NLRP5: variants seen among roughly 807,000 people sequenced by gnomAD.
NLRP5 encodes the protein NLR family pyrin domain containing 5.
Under a neutral mutation model 113.1 loss-of-function variants are expected in NLRP5, and 93 were observed. The ratio of observed to expected loss-of-function variants is 0.82; its 90% CI spans 0.70 to 0.98. NLRP5 has a LOEUF of 0.98. Ranked by LOEUF, NLRP5 falls within the 50% of genes least tolerant of loss-of-function variation. The probability of loss-of-function intolerance (pLI) is 0.00; values close to 1 mark genes in which losing one functional copy is unlikely to be tolerated. For synonymous variants in NLRP5, 751 were observed against 600.7 expected (o/e 1.25, Z -3.66); for missense variants, 1,808 against 1,514.3 (o/e 1.19, Z -3.22).
chr19:56,005,106 AAAT>A (rs1309103288), intron 2 of NLRP5, among the ~76,000 whole-genome samples: 1,404 of 120,922 alleles, frequency 0.012, 46 homozygotes, highest in African/African-American at 0.024. Flanking sequence ...AAAAAAAAAA[AAAT>A]ATATATATAT....
intron 3 of NLRP5, among the ~76,000 whole-genome samples, chr19:56,012,364 G>C (rs1210392284): frequency 6.6e-6 from 1 of 150,948 alleles, no homozygotes; most frequent in African/African-American, 2.4e-5. Context: ...TGGCCAGGCT[G>C]CCTTCGAACT....
the NLRP5 span, among the ~76,000 whole-genome samples, chr19:55,990,079 C>CTTTTCTTTTTTTTTTTTTTT: frequency 1.0e-5 from 1 of 95,958 alleles, no homozygotes; most frequent in Admixed American, 1.3e-4. Flanking sequence ...TTTCTTTTTT[C>CTTTTCTTTTTTTTTTTTTTT]TTTTTTTTTT....
intron 4 of NLRP5, among the ~76,000 whole-genome samples, chr19:56,017,182 C>G (rs1982440079): frequency 1.3e-5 from 2 of 152,254 alleles, no homozygotes; most frequent in South Asian, 4.1e-4. Context: ...TTAGCTGTCT[C>G]TTTTTTTCCT....
intron 12 of NLRP5, among the ~76,000 whole-genome samples, chr19:56,051,740 G>A (rs941045988): frequency 6.6e-6 from 1 of 152,114 alleles, no homozygotes; most frequent in Non-Finnish European, 1.5e-5. Context: ...ATCTCCTAAA[G>A]CTGGACACGT....
rs746106809 is a variant in NLRP5 at position 56,061,558 on chromosome 19, A to T, written c.*30A>T. The T allele has an allele frequency of 3.7e-6, 6 of 1,612,628 alleles. No homozygotes were observed. The highest frequency in any genetic ancestry group is 1.7e-5 in the Admixed American group (1 of 59,876). On this transcript the variant is annotated 3_prime_UTR_variant, in exon 15 of 15. Transcript: ENST00000390649. Reference sequence around the variant, plus strand: ...ACGGAAACCTGCCCCACTCACACCCATCTGATGGAGGAACTTTAAACGCTG... The same window carrying T: ...ACGGAAACCTGCCCCACTCACACCCTTCTGATGGAGGAACTTTAAACGCTG...
chr19:56,032,690 C>T lies in NLRP5; in HGVS notation c.2356C>T (p.Leu786=). Reference sequence around the variant, plus strand: ...TGGCACCCACCCACACCTGCGGCAGCTGGACCTGGGCAGCAGCATCCTGAC... The same window carrying T: ...TGGCACCCACCCACACCTGCGGCAGTTGGACCTGGGCAGCAGCATCCTGAC... Residue 786 remains leucine, a synonymous_variant, in exon 8 of 15, where the codon CTG becomes TTG. Coordinates refer to ENST00000390649, the MANE Select transcript of NLRP5 (RefSeq NM_153447.4). 1 of 1,613,666 alleles carries T rather than the reference C, an allele frequency of 6.2e-7. No homozygotes were observed. Among genetic ancestry groups the T allele is most frequent in the Non-Finnish European group, 8.5e-7 (1 of 1,179,806 alleles).
At chr19:56,017,647 C>A (rs1194851197) in intron 4 of NLRP5, among the ~76,000 whole-genome samples, 1 of 152,128 alleles carries the variant, frequency 6.6e-6, no homozygotes, top group Non-Finnish European at 1.5e-5. Context: ...GGAACATAAA[C>A]TTGAAGCATG....
At chr19:56,034,086 G>C (rs1184309850) in intron 9 of NLRP5, among the ~76,000 whole-genome samples, 4 of 152,142 alleles carry the variant, frequency 2.6e-5, no homozygotes, top group Non-Finnish European at 5.9e-5. Context: ...TAATTGTATA[G>C]AGGTTGAATG....
intron 13 of NLRP5, among the ~76,000 whole-genome samples, chr19:56,055,594 G>A (rs1214918074): frequency 8.1e-6 from 1 of 123,082 alleles, no homozygotes; most frequent in Non-Finnish European, 1.6e-5. Context: ...CCCCCAGGCT[G>A]GAGTGCAGTG....
the NLRP5 span, chr19:55,988,080 G>C: frequency 1.7e-6 from 1 of 596,512 alleles, no homozygotes; most frequent in Non-Finnish European, 3.0e-6. Flanking sequence ...TGAGGACGGT[G>C]ATGCCCTGTG....
chr19:56,061,692 G>A lies in NLRP5; in HGVS notation c.*164G>A, dbSNP rs533394029. The stretch of plus-strand genomic sequence containing the variant: ...AGTGATTCTTCTGTGTTCACTCTAC[G>A]TTGGTTACTGGATTTGAAGGCTAGA... On this transcript the variant is annotated 3_prime_UTR_variant, in exon 15 of 15. Transcript: ENST00000390649. 7.8e-5 allele frequency: 59 copies of A among 753,872 alleles called. No individual in the cohort carries two copies. The highest frequency in any genetic ancestry group is 7.3e-4 in the African/African-American group (42 of 57,294). 46.7% of individuals were successfully genotyped at this position (753,872 alleles called of 1,614,324 possible).
At position 56,050,507 on chromosome 19, in the gene NLRP5, G is replaced by A. The variant is rs1211215154; in HGVS notation, c.3047G>A (p.Ser1016Asn). Residue 1016 changes from serine (S) to asparagine (N), a missense_variant, in exon 12 of 15, where the codon AGC becomes AAC. Physicochemically the swap from Ser to Asn is conservative, Grantham distance 46. Coordinates refer to ENST00000390649, the MANE Select transcript of NLRP5 (RefSeq NM_153447.4). ...TCATGGCTGACGCACCTGAGCCTTA[G>A]CATGAACCCTGTGGAAGACAATGGC... is the stretch of plus-strand genomic sequence containing the variant. 5 of 1,613,806 alleles carry A rather than the reference G, an allele frequency of 3.1e-6. No homozygotes were observed. The highest frequency in any genetic ancestry group is 4.2e-6 in the Non-Finnish European group (5 of 1,179,886).
intron 2 of NLRP5, among the ~76,000 whole-genome samples, chr19:56,005,165 A>G (rs532662823): frequency 2.9e-5 from 4 of 136,634 alleles, no homozygotes; most frequent in Admixed American, 1.5e-4. Context: ...ACATATACAC[A>G]TATATTTTTA....
At chr19:56,020,874 A>ATTTTT (rs36047346) in intron 6 of NLRP5, among the ~76,000 whole-genome samples, 1 of 137,552 alleles carries the variant, frequency 7.3e-6, no homozygotes. Flanking sequence ...CCTTCGTGGC[A>ATTTTT]TTTTTTTTTT....
intron 2 of NLRP5, among the ~76,000 whole-genome samples, chr19:56,005,206 C>T (rs184737524): frequency 8.4e-4 from 114 of 135,314 alleles, no homozygotes; most frequent in Non-Finnish European, 1.5e-3. Flanking sequence ...TATACACATA[C>T]ACATACACAC....
At chr19:56,016,069 C>T (rs551503588) in intron 4 of NLRP5, among the ~76,000 whole-genome samples, 6 of 152,244 alleles carry the variant, frequency 3.9e-5, no homozygotes, top group South Asian at 2.1e-4. Context: ...TTTCAATACA[C>T]GCATATATTG....
chr19:56,010,375 C>G (rs1384358802), intron 3 of NLRP5, among the ~76,000 whole-genome samples: 1 of 152,104 alleles, frequency 6.6e-6, no homozygotes, highest in Non-Finnish European at 1.5e-5. Context: ...GAGACAGACA[C>G]TCTACCCTCA....
the NLRP5 span, among the ~76,000 whole-genome samples, chr19:55,989,221 T>C: frequency 1.3e-5 from 2 of 152,152 alleles, no homozygotes; most frequent in African/African-American, 4.8e-5. Context: ...ACTAAAATGA[T>C]TTTTTAATGG....
At chr19:56,026,838 A>G in intron 6 of NLRP5, 75 bp from the exon 7 acceptor site, 1 of 1,455,234 alleles carries the variant, frequency 6.9e-7, no homozygotes, top group Non-Finnish European at 9.2e-7. Context: ...GACCTCCCAC[A>G]GTGCTGGGAT....
Sources: gnomAD v4.1 joint callset for allele counts (sites outside exome capture counted in the v4.1 genomes callset) on GRCh38, gnomAD v4.1.1 for gene constraint, MANE v1.5 for transcripts, NCBI Gene and HGNC (gene_info 2026-07-23, HGNC 2026-07-21) for gene names.